ADAMTSL3: variants seen among roughly 807,000 people sequenced by gnomAD.
ADAMTSL3 encodes the protein ADAMTS like 3.
Under a neutral mutation model 201.7 loss-of-function variants are expected in ADAMTSL3, and 128 were observed. That is an observed-to-expected ratio of 0.63 (90% CI 0.55 to 0.73). The LOEUF is 0.73. ADAMTSL3 is among the 30% of genes least tolerant of loss of function. The pLI, the probability that ADAMTSL3 is intolerant of heterozygous loss-of-function variation, is 0.00. For synonymous variants in ADAMTSL3, 738 were observed against 748.4 expected (o/e 0.99, Z 0.23); for missense variants, 1,990 against 2,119.6 (o/e 0.94, Z 1.20).
chr15:83,913,413 G>A (rs1411730066), intron 16 of ADAMTSL3, 35 bp downstream of exon 16: 3 of 1,597,618 alleles, frequency 1.9e-6, no homozygotes, highest in Admixed American at 3.4e-5. Context: ...CAGTTATGTT[G>A]TGTGTTGCTA....
At chr15:83,970,384 T>C (rs1271348718) in intron 19 of ADAMTSL3, 100 bp from the exon 20 acceptor site, 6 of 1,411,722 alleles carry the variant, frequency 4.3e-6, no homozygotes, top group Non-Finnish European at 5.9e-6. Flanking sequence ...ACATCCGTAC[T>C]GAAAATTTCC....
chr15:83,722,716 TATC>T (rs2062117938), intron 3 of ADAMTSL3, among the ~76,000 whole-genome samples: 1 of 152,164 alleles, frequency 6.6e-6, no homozygotes, highest in African/African-American at 2.4e-5. Flanking sequence ...TTTCAGAAAT[TATC>T]ATGTAACTAC....
At chr15:83,952,647 A>G (rs2066778586) in intron 19 of ADAMTSL3, among the ~76,000 whole-genome samples, 1 of 152,190 alleles carries the variant, frequency 6.6e-6, no homozygotes, top group South Asian at 2.1e-4. Flanking sequence ...TATGTTTACA[A>G]TTGTCATATC....
chr15:83,817,636 C>A (rs1467350103), intron 5 of ADAMTSL3, among the ~76,000 whole-genome samples: 1 of 152,112 alleles, frequency 6.6e-6, no homozygotes, highest in Non-Finnish European at 1.5e-5. Flanking sequence ...TTAATAGTTT[C>A]ATCTGCTGAA....
At chr15:83,902,864 A>G (rs997592192) in intron 15 of ADAMTSL3, among the ~76,000 whole-genome samples, 1 of 152,038 alleles carries the variant, frequency 6.6e-6, no homozygotes, top group African/African-American at 2.4e-5. Context: ...TTTCTTTTTA[A>G]TCATAGGAAA....
intron 23 of ADAMTSL3, among the ~76,000 whole-genome samples, chr15:84,009,118 T>C (rs2141880702): frequency 6.6e-6 from 1 of 152,338 alleles, no homozygotes; most frequent in South Asian, 2.1e-4. Context: ...TCAACATAGC[T>C]GTCAAAGCAG....
chr15:84,025,033 T>G (rs943212063), intron 26 of ADAMTSL3, among the ~76,000 whole-genome samples: 4 of 152,316 alleles, frequency 2.6e-5, no homozygotes, highest in Admixed American at 2.6e-4. Context: ...AGTAGTCATC[T>G]CTACATGATG....
chr15:84,006,768 G>A (rs750627631), intron 23 of ADAMTSL3, among the ~76,000 whole-genome samples: 1 of 152,198 alleles, frequency 6.6e-6, no homozygotes, highest in Non-Finnish European at 1.5e-5. Flanking sequence ...GCAGTGGTGC[G>A]AAGAAATCTG....
chr15:83,805,929 G>C (rs188966968), intron 5 of ADAMTSL3, among the ~76,000 whole-genome samples: 6 of 152,308 alleles, frequency 3.9e-5, no homozygotes, highest in Admixed American at 3.3e-4. Context: ...CCTTGCTACA[G>C]GAGAACGCGG....
At chr15:83,893,638 C>T (rs1385675888) in intron 13 of ADAMTSL3, among the ~76,000 whole-genome samples, 1 of 151,974 alleles carries the variant, frequency 6.6e-6, no homozygotes, top group Non-Finnish European at 1.5e-5. Context: ...AGGCGGGCAG[C>T]CTATTTAGAA....
At chr15:83,874,570 T>C (rs1347742559) in intron 9 of ADAMTSL3, among the ~76,000 whole-genome samples, 2 of 143,800 alleles carry the variant, frequency 1.4e-5, no homozygotes, top group Non-Finnish European at 3.0e-5. Flanking sequence ...AGTTTGTGCC[T>C]GTTACCCCTG....
intron 6 of ADAMTSL3, among the ~76,000 whole-genome samples, chr15:83,823,665 C>T (rs919559263): frequency 2.6e-5 from 4 of 152,144 alleles, no homozygotes; most frequent in African/African-American, 7.2e-5. Context: ...TTCTGTTCTC[C>T]GAGCTCCCAC....
intron 4 of ADAMTSL3, among the ~76,000 whole-genome samples, chr15:83,784,793 G>A (rs1488016630): frequency 1.4e-5 from 2 of 146,258 alleles, no homozygotes; most frequent in East Asian, 4.2e-4. Flanking sequence ...TGATTACTTA[G>A]GCTTTTTTTT....
chr15:84,015,773 C>T (rs898419040), intron 24 of ADAMTSL3, among the ~76,000 whole-genome samples: 2 of 152,204 alleles, frequency 1.3e-5, no homozygotes, highest in Non-Finnish European at 2.9e-5. Context: ...TCCATGCTCC[C>T]TGAGAAACCC....
chr15:83,821,013 G>T (rs2063854784), intron 6 of ADAMTSL3, among the ~76,000 whole-genome samples: 1 of 152,056 alleles, frequency 6.6e-6, no homozygotes, highest in Non-Finnish European at 1.5e-5. Context: ...GGTGGAGATT[G>T]CAGTGAGCCA....
intron 17 of ADAMTSL3, among the ~76,000 whole-genome samples, chr15:83,931,943 G>C (rs1304557141): frequency 1.3e-5 from 2 of 151,934 alleles, no homozygotes; most frequent in Non-Finnish European, 2.9e-5. Flanking sequence ...CTAAAACTTA[G>C]GAAAAAATAT....
At chr15:83,765,358 A>G (rs1332301921) in intron 3 of ADAMTSL3, among the ~76,000 whole-genome samples, 3 of 152,222 alleles carry the variant, frequency 2.0e-5, no homozygotes, top group East Asian at 1.9e-4. Flanking sequence ...TAACATTGGA[A>G]TGAACATTTA....
intron 13 of ADAMTSL3, among the ~76,000 whole-genome samples, chr15:83,893,804 C>G (rs181884209): frequency 5.3e-5 from 8 of 152,244 alleles, no homozygotes; most frequent in Admixed American, 2.6e-4. Flanking sequence ...CCGGATTAGT[C>G]AAAGATGAAA....
chr15:84,027,851 AT>A (rs1356960908), intron 27 of ADAMTSL3, among the ~76,000 whole-genome samples: 16 of 152,190 alleles, frequency 1.1e-4, no homozygotes, highest in African/African-American at 3.6e-4. Flanking sequence ...AATAAAAAAA[AT>A]GGAAACAATT....
Sources: allele counts gnomAD v4.1 joint callset (sites outside exome capture counted in the v4.1 genomes callset), GRCh38; gene constraint gnomAD v4.1.1; transcripts MANE v1.5; gene names NCBI Gene and HGNC (gene_info 2026-07-23, HGNC 2026-07-21).